Variants in TMEM117 observed in about 807,000 individuals in gnomAD.
TMEM117 encodes transmembrane protein 117.
TMEM117 carries 27 observed loss-of-function variants against 52.4 expected under a neutral mutation model. The ratio of observed to expected loss-of-function variants is 0.51; its 90% CI spans 0.38 to 0.71. The LOEUF is 0.71. TMEM117 is among the 30% of genes least tolerant of loss of function. TMEM117 has a pLI of 0.00. For synonymous variants in TMEM117, 215 were observed against 206.3 expected, an observed-to-expected ratio of 1.04 and a Z score of -0.36; for missense variants, 556 against 630.5, an observed-to-expected ratio of 0.88 and a Z score of 1.26.
At chr12:44,318,433 T>C (rs1347735154) in intron 6 of TMEM117, 2 of 151,920 alleles carry the variant, frequency 1.3e-5, no homozygotes, top group Non-Finnish European at 2.9e-5. Context: ...GAGTTCTGCC[T>C]GGATGTGTAG....
Position 44,158,621 on chromosome 12 carries a change from A to G in TMEM117, c.510+14997A>G, listed in dbSNP as rs371530888. Among the ~76,000 whole-genome samples, 3 of 152,312 alleles carry G rather than the reference A, an allele frequency of 2.0e-5. No homozygotes were observed. In the East Asian group the frequency reaches 5.8e-4, roughly 29 times the overall value. ...AGTTCTATTATTCAAATTCAGATTTAATCTTTGGTTGCCATGGCATCTTAA... is the reference window on the plus strand; with the variant it reads ...AGTTCTATTATTCAAATTCAGATTTGATCTTTGGTTGCCATGGCATCTTAA... On this transcript the variant is annotated intron_variant, in intron 4 of 7. Transcript: ENST00000266534.
chr12:44,005,586 C>T (rs749037076), intron 3 of TMEM117, among the ~76,000 whole-genome samples: 5 of 152,192 alleles, frequency 3.3e-5, no homozygotes, highest in African/African-American at 7.2e-5. Context: ...TGCATCAAGG[C>T]TAAGAGGTCA....
At chr12:43,848,417 T>G (rs762999377) in intron 2 of TMEM117, among the ~76,000 whole-genome samples, 12 of 152,056 alleles carry the variant, frequency 7.9e-5, no homozygotes, top group Non-Finnish European at 1.8e-4. Context: ...CCCCCAGAAA[T>G]GCATTCTTTT....
intron 6 of TMEM117, among the ~76,000 whole-genome samples, chr12:44,331,833 C>T (rs1565723750): frequency 6.6e-6 from 1 of 151,976 alleles, no homozygotes; most frequent in Non-Finnish European, 1.5e-5. Flanking sequence ...CTTCAGTACC[C>T]CAAGCACCCA....
intron 4 of TMEM117, among the ~76,000 whole-genome samples, chr12:44,161,451 A>G (rs1948897280): frequency 6.6e-6 from 1 of 152,180 alleles, no homozygotes; most frequent in African/African-American, 2.4e-5. Flanking sequence ...GCTCTCATAA[A>G]TGCTAGCTAT....
chr12:44,144,453 G>C (rs1948613546), intron 4 of TMEM117, among the ~76,000 whole-genome samples: 1 of 152,200 alleles, frequency 6.6e-6, no homozygotes, highest in Non-Finnish European at 1.5e-5. Context: ...AGATATACCA[G>C]AAGGCAGATA....
At chr12:44,020,968 G>A (rs1341367810) in intron 3 of TMEM117, among the ~76,000 whole-genome samples, 1 of 152,130 alleles carries the variant, frequency 6.6e-6, no homozygotes, top group Non-Finnish European at 1.5e-5. Context: ...CTTTCTGCTT[G>A]TAGTGTGAAA....
intron 4 of TMEM117, among the ~76,000 whole-genome samples, chr12:44,190,941 A>G (rs1949344238): frequency 6.9e-6 from 1 of 145,174 alleles, no homozygotes; most frequent in Non-Finnish European, 1.5e-5. Flanking sequence ...TACTATATAT[A>G]GTAGTCTATG....
intron 2 of TMEM117, among the ~76,000 whole-genome samples, chr12:43,943,808 C>T (rs1018239189): frequency 6.6e-6 from 1 of 152,146 alleles, no homozygotes; most frequent in African/African-American, 2.4e-5. Context: ...GGGAATGGAT[C>T]TATAGAAGCA....
At chr12:44,308,976 A>G (rs368949847) in intron 6 of TMEM117, among the ~76,000 whole-genome samples, 2 of 152,284 alleles carry the variant, frequency 1.3e-5, no homozygotes, top group African/African-American at 4.8e-5. Context: ...GGGCTCCTCT[A>G]TGAGCTTTTT....
intron 2 of TMEM117, among the ~76,000 whole-genome samples, chr12:43,851,763 C>T (rs1229850171): frequency 6.6e-6 from 1 of 152,182 alleles, no homozygotes. Context: ...TTTGAGCTTC[C>T]TCAGAGCTGA....
At chr12:43,923,184 G>A (rs1019994901) in intron 2 of TMEM117, among the ~76,000 whole-genome samples, 2 of 152,096 alleles carry the variant, frequency 1.3e-5, no homozygotes, top group Non-Finnish European at 2.9e-5. Context: ...TTCTTTATCT[G>A]GAAGGAAACA....
intron 5 of TMEM117, among the ~76,000 whole-genome samples, chr12:44,227,622 T>C (rs1281210518): frequency 6.6e-6 from 1 of 152,178 alleles, no homozygotes; most frequent in Admixed American, 6.6e-5. Context: ...AATCTCATAC[T>C]TCTATATTTG....
chr12:44,126,462 G>A (rs1232533525), intron 3 of TMEM117, among the ~76,000 whole-genome samples: 2 of 152,144 alleles, frequency 1.3e-5, no homozygotes, highest in African/African-American at 4.8e-5. Context: ...GACATCTACA[G>A]CATTAGGCAA....
In TMEM117 at chr12:44,159,673, G is replaced by A. The variant is rs542093127; in HGVS notation, c.510+16049G>A. Among the ~76,000 whole-genome samples, 17 of 152,150 alleles carry A rather than the reference G, an allele frequency of 1.1e-4. No homozygotes were observed. In the South Asian group the frequency reaches 3.1e-3, roughly 28 times the overall value. On this transcript the variant is annotated intron_variant, in intron 4 of 7. Coordinates refer to ENST00000266534, the MANE Select transcript of TMEM117 (RefSeq NM_032256.3). ...AAACTGTGGGGCATATAATTTCTGC[G>A]TGCCTGTGAATTAGCACTGATACCC...
At chr12:44,200,768 G>A (rs963886719) in intron 4 of TMEM117, among the ~76,000 whole-genome samples, 15 of 152,214 alleles carry the variant, frequency 9.9e-5, no homozygotes, top group African/African-American at 3.6e-4. Context: ...ACTGATCAAA[G>A]GCAAAGTTGG....
chr12:44,343,197 C>T (rs959642734), intron 6 of TMEM117, among the ~76,000 whole-genome samples: 1 of 151,972 alleles, frequency 6.6e-6, no homozygotes, highest in Non-Finnish European at 1.5e-5. Context: ...AAGTGATCTG[C>T]CCACCTTGGC....
chr12:44,262,810 A>G (rs1565649888), intron 5 of TMEM117, among the ~76,000 whole-genome samples: 2 of 152,176 alleles, frequency 1.3e-5, no homozygotes, highest in Non-Finnish European at 2.9e-5. Context: ...GATGGTCTCC[A>G]TCTCCTGACT....
chr12:44,190,476 TTC>T (rs905636400), intron 4 of TMEM117, among the ~76,000 whole-genome samples: 36 of 152,206 alleles, frequency 2.4e-4, no homozygotes, highest in African/African-American at 7.7e-4. Flanking sequence ...GCTCAGGTGA[TTC>T]TGATGCCTGT....
Sources: allele counts gnomAD v4.1 joint callset (sites outside exome capture counted in the v4.1 genomes callset), GRCh38; gene constraint gnomAD v4.1.1; transcripts MANE v1.5; gene names NCBI Gene and HGNC (gene_info 2026-07-23, HGNC 2026-07-21).